Variants in ASTE1 observed in about 807,000 individuals in gnomAD.
The protein encoded by ASTE1 is single-strand DNA endonuclease ASTE1.
Under a neutral mutation model 45.8 loss-of-function variants are expected in ASTE1, and 49 were observed. The ratio of observed to expected loss-of-function variants is 1.07; its 90% CI spans 0.85 to 1.36. ASTE1 has a LOEUF of 1.36. Ranked by LOEUF, ASTE1 falls within the 40% of genes most tolerant of loss-of-function variation. ASTE1 has a pLI of 0.00. For missense variants in ASTE1, 709 were observed against 804.0 expected, an observed-to-expected ratio of 0.88 and a Z score of 1.43; for synonymous variants, 296 against 303.9, an observed-to-expected ratio of 0.97 and a Z score of 0.27.
intron 5 of ASTE1, among the ~76,000 whole-genome samples, chr3:131,014,812 A>G (rs1200532521): frequency 6.6e-6 from 1 of 152,230 alleles, no homozygotes; most frequent in Non-Finnish European, 1.5e-5. Flanking sequence ...CAAATAGAAG[A>G]TGGGATTAAT....
At chr3:131,026,186 A>C (rs2063875576) in intron 1 of ASTE1, 1 of 152,164 alleles carries the variant, frequency 6.6e-6, no homozygotes, top group Non-Finnish European at 1.5e-5. Context: ...ATTAAAACTT[A>C]CCTTGATTAC....
At chr3:131,022,910 C>G (rs2063762671) in intron 3 of ASTE1, among the ~76,000 whole-genome samples, 1 of 152,164 alleles carries the variant, frequency 6.6e-6, no homozygotes, top group Non-Finnish European at 1.5e-5. Flanking sequence ...TTATGGGACA[C>G]TTTCCTGTGC....
At chr3:131,015,318 GACAA>G (rs992772052) in intron 5 of ASTE1, 4 of 662,354 alleles carry the variant, frequency 6.0e-6, no homozygotes, top group Non-Finnish European at 1.1e-5. Context: ...TGAGTGGAGA[GACAA>G]ACAAAACACA....
At chr3:131,023,935 A>G in intron 3 of ASTE1, 70 bp downstream of exon 3, 2 of 1,442,038 alleles carry the variant, frequency 1.4e-6, no homozygotes, top group Non-Finnish European at 9.3e-7. Flanking sequence ...AAGTGAACTA[A>G]TATAGAAGAC....
At chr3:131,021,244 C>T (rs1211680488) in intron 3 of ASTE1, among the ~76,000 whole-genome samples, 2 of 151,906 alleles carry the variant, frequency 1.3e-5, no homozygotes, top group African/African-American at 4.8e-5. Flanking sequence ...TGTACAGAAA[C>T]TTCATATAAT....
Position 131,026,508 on chromosome 3 carries a change from C to T in ASTE1, c.-148G>A, listed in dbSNP as rs1305546169. 6.5e-6 allele frequency: 1 copy of T among 152,882 alleles called. No homozygotes were observed. The highest frequency in any genetic ancestry group is 2.4e-5 in the African/African-American group (1 of 41,472). The allele number at this position is 152,882 out of a possible 1,614,324, so 9.5% of individuals were successfully genotyped here. On this transcript the variant is annotated splice_region_variant and 5_prime_UTR_variant, in exon 1 of 6. Transcript: ENST00000264992. ...GGACCTGCAGCAGAGCCCACCTACTCTGTCCTCCCAGAGGAGTAGCTCCTC... is the reference window on the plus strand; with the variant it reads ...GGACCTGCAGCAGAGCCCACCTACTTTGTCCTCCCAGAGGAGTAGCTCCTC...
At position 131,018,548 on chromosome 3, in the gene ASTE1, T is replaced by C. The variant is rs143427732; in HGVS notation, c.1471A>G (p.Thr491Ala). ...GCAATCAAGGGCCCCACTAGCATTG[T>C]GAGCAGTAAGGATTGTAGATGATGT... ...KLHHLQSLLLTMLVGPLIAII... is the reference protein window; with the variant it reads ...KLHHLQSLLLAMLVGPLIAII... Residue 491 changes from threonine (T) to alanine (A), a missense_variant, in exon 4 of 6, where the codon ACA (threonine) becomes GCA (alanine). Coordinates refer to ENST00000264992, the MANE Select transcript of ASTE1 (RefSeq NM_014065.4). The C allele has an allele frequency of 6.2e-7, 1 of 1,613,970 alleles. No homozygotes were observed. Among genetic ancestry groups the C allele is most frequent in the Non-Finnish European group, 8.5e-7 (1 of 1,180,032 alleles).
chr3:131,014,677 C>G (rs1286264522), intron 5 of ASTE1, among the ~76,000 whole-genome samples: 1 of 152,268 alleles, frequency 6.6e-6, no homozygotes, highest in South Asian at 2.1e-4. Flanking sequence ...TTAACAAACA[C>G]TTTAATTTTA....
intron 5 of ASTE1, among the ~76,000 whole-genome samples, chr3:131,015,522 C>T (rs961229603): frequency 6.6e-6 from 1 of 152,188 alleles, no homozygotes; most frequent in African/African-American, 2.4e-5. Context: ...CACATAGGCT[C>T]AACTCCCTTA....
chr3:131,014,054 G>A lies in ASTE1; in HGVS notation c.*3C>T. 1 of 1,556,076 alleles carries A rather than the reference G, an allele frequency of 6.4e-7. No homozygotes were observed. Among genetic ancestry groups the A allele is most frequent in the South Asian group, 1.2e-5 (1 of 83,290 alleles). ...ATACATCTAGTTTGATGCAAACTGA[G>A]TTTTATTCAATGTTGGAGGCCTCAC... On this transcript the variant is annotated 3_prime_UTR_variant, in exon 6 of 6. Coordinates refer to ENST00000264992, the MANE Select transcript of ASTE1 (RefSeq NM_014065.4).
intron 3 of ASTE1, among the ~76,000 whole-genome samples, chr3:131,022,655 T>C (rs2109095936): frequency 6.6e-6 from 1 of 152,240 alleles, no homozygotes; most frequent in East Asian, 1.9e-4. Flanking sequence ...CAGCCATCAC[T>C]AATTCCAAAA....
rs1317167518 is a variant in ASTE1, at chr3:131,013,887, G to T, written c.*170C>A. 1.8e-6 allele frequency: 1 copy of T among 541,278 alleles called. No individual in the cohort carries two copies. Among genetic ancestry groups the T allele is most frequent in the Non-Finnish European group, 3.2e-6 (1 of 312,772 alleles). The allele number at this position is 541,278 out of a possible 1,614,324, so 33.5% of individuals were successfully genotyped here. On this transcript the variant is annotated 3_prime_UTR_variant, in exon 6 of 6. Transcript: ENST00000264992. ...GAAATACAGAAGCTTCTTAAATCAGGTTGTATTTATTAAAAACAAAATACA... is the reference window on the plus strand; with the variant it reads ...GAAATACAGAAGCTTCTTAAATCAGTTTGTATTTATTAAAAACAAAATACA...
intron 3 of ASTE1, 55 bp from the exon 4 acceptor site, chr3:131,018,771 C>G: frequency 6.4e-7 from 1 of 1,554,850 alleles, no homozygotes; most frequent in Non-Finnish European, 8.8e-7. Flanking sequence ...TCTGTTATTT[C>G]TTTTTTCCAC....
chr3:131,022,015 T>G (rs2063748531), intron 3 of ASTE1, among the ~76,000 whole-genome samples: 1 of 152,198 alleles, frequency 6.6e-6, no homozygotes, highest in Non-Finnish European at 1.5e-5. Context: ...TTTGTACCCC[T>G]GGAAATGTGC....
At chr3:131,023,596 T>C (rs903787166) in intron 3 of ASTE1, among the ~76,000 whole-genome samples, 2 of 152,222 alleles carry the variant, frequency 1.3e-5, no homozygotes, top group East Asian at 1.9e-4. Flanking sequence ...TGAAATCCGA[T>C]GTAGTCTGAG....
intron 5 of ASTE1, 106 bp downstream of exon 5, chr3:131,016,038 T>G: frequency 2.0e-5 from 27 of 1,344,856 alleles, no homozygotes; most frequent in South Asian, 2.5e-5. Context: ...TTTTTTTTTG[T>G]TTTGGTTTTT....
chr3:131,025,224 A>G lies in ASTE1; in HGVS notation c.83T>C (p.Ile28Thr). The G allele has an allele frequency of 6.2e-7, 1 of 1,614,180 alleles. No individual in the cohort carries two copies. The highest frequency in any genetic ancestry group is 8.5e-7 in the Non-Finnish European group (1 of 1,180,030). ...GAAAAGAGCATAACCATCAATGACAATTTTTGTGTCCCGCAACTTCAAATC... is the reference window on the plus strand; with the variant it reads ...GAAAAGAGCATAACCATCAATGACAGTTTTTGTGTCCCGCAACTTCAAATC... ...FTDLKLRDTK[I>T]VIDGYALFHR... The change falls in exon 3 of 6, where the codon ATT (isoleucine) becomes ACT (threonine). Residue 28 changes from isoleucine (I) to threonine (T), a missense_variant. By Grantham distance (89) the Ile-to-Thr change is moderately conservative (BLOSUM62 -1). Transcript: ENST00000264992.
At chr3:131,016,715 C>T (rs1396570753) in intron 4 of ASTE1, 2 of 322,150 alleles carry the variant, frequency 6.2e-6, no homozygotes, top group African/African-American at 4.3e-5. Flanking sequence ...CACCGAAACT[C>T]CCAAGCTGTG....
intron 4 of ASTE1, chr3:131,016,989 C>T (rs1478117773): frequency 7.8e-7 from 1 of 1,289,242 alleles, no homozygotes; most frequent in Non-Finnish European, 1.0e-6. Flanking sequence ...AGGAGGCCCA[C>T]CTTTTACCAA....
Sources: allele counts gnomAD v4.1 joint callset (sites outside exome capture counted in the v4.1 genomes callset), GRCh38; gene constraint gnomAD v4.1.1; transcripts MANE v1.5; gene names NCBI Gene and HGNC (gene_info 2026-07-23, HGNC 2026-07-21).